The following IMMP2L variants were observed in gnomAD, a reference collection of about 807,000 sequenced individuals.
IMMP2L encodes inner mitochondrial membrane peptidase subunit 2.
A neutral mutation model predicts 19.3 loss-of-function variants in IMMP2L; 18 were observed. The observed-to-expected ratio is 0.93, with a 90% CI of 0.64 to 1.38. The LOEUF is 1.38. IMMP2L is among the 40% of genes most tolerant of loss of function. The pLI, the probability that IMMP2L is intolerant of heterozygous loss-of-function variation, is 0.00. For synonymous variants in IMMP2L, 76 were observed against 73.0 expected (o/e 1.04, Z -0.21); for missense variants, 233 against 218.2 (o/e 1.07, Z -0.43).
intron 3 of IMMP2L, among the ~76,000 whole-genome samples, chr7:111,161,275 A>G (rs1024140113): frequency 1.3e-5 from 2 of 151,936 alleles, no homozygotes; most frequent in Non-Finnish European, 2.9e-5. Flanking sequence ...AAAACAGAAA[A>G]TGACAATAGA....
intron 3 of IMMP2L, among the ~76,000 whole-genome samples, chr7:111,324,035 A>G (rs1825048168): frequency 6.6e-6 from 1 of 152,044 alleles, no homozygotes; most frequent in Non-Finnish European, 1.5e-5. Context: ...AGATACACCT[A>G]ATGTTAAATG....
intron 4 of IMMP2L, among the ~76,000 whole-genome samples, chr7:110,905,048 T>G (rs1048771774): frequency 6.6e-6 from 1 of 152,178 alleles, no homozygotes; most frequent in Non-Finnish European, 1.5e-5. Context: ...ACCTAAACTC[T>G]ACTTACCACC....
chr7:111,443,599 T>C (rs1365659766), intron 3 of IMMP2L, among the ~76,000 whole-genome samples: 1 of 152,160 alleles, frequency 6.6e-6, no homozygotes. Context: ...CAGTCCAGAC[T>C]GCACAGAACA....
intron 3 of IMMP2L, among the ~76,000 whole-genome samples, chr7:111,047,107 G>A (rs1026423377): frequency 2.6e-5 from 4 of 152,016 alleles, no homozygotes; most frequent in African/African-American, 4.8e-5. Flanking sequence ...GAAACACATC[G>A]TTACCTCTGC....
At chr7:110,879,461 T>G (rs115526823) in intron 5 of IMMP2L, among the ~76,000 whole-genome samples, 3,907 of 152,218 alleles carry the variant, frequency 0.026, 68 homozygotes, top group Middle Eastern at 0.075. Context: ...AACATCTGTA[T>G]GCTCCCACTC....
intron 5 of IMMP2L, among the ~76,000 whole-genome samples, chr7:110,866,124 C>T (rs1271752583): frequency 1.3e-5 from 2 of 151,968 alleles, no homozygotes; most frequent in East Asian, 3.9e-4. Context: ...GATCATAAAT[C>T]TTATCCTTGA....
At chr7:111,551,857 T>C (rs541799899) in intron 1 of IMMP2L, among the ~76,000 whole-genome samples, 5 of 152,222 alleles carry the variant, frequency 3.3e-5, no homozygotes, top group Non-Finnish European at 5.9e-5. Flanking sequence ...GGAGGAAATA[T>C]AGCCCCTACT....
intron 5 of IMMP2L, among the ~76,000 whole-genome samples, chr7:110,829,615 G>T (rs924232645): frequency 6.6e-6 from 1 of 152,042 alleles, no homozygotes; most frequent in Non-Finnish European, 1.5e-5. Context: ...AAAAAAGAGA[G>T]AAAAACCCCA....
At chr7:111,349,667 G>T (rs1476826480) in intron 3 of IMMP2L, among the ~76,000 whole-genome samples, 1 of 152,088 alleles carries the variant, frequency 6.6e-6, no homozygotes, top group Non-Finnish European at 1.5e-5. Context: ...AAGGGGAGTA[G>T]AATGAAGTCC....
At chr7:110,914,439 C>T (rs539829201) in intron 4 of IMMP2L, among the ~76,000 whole-genome samples, 3 of 152,258 alleles carry the variant, frequency 2.0e-5, no homozygotes, top group African/African-American at 7.2e-5. Context: ...AGGGCATGAA[C>T]AAAATTAATT....
chr7:111,349,136 C>T lies in IMMP2L; in HGVS notation c.239+138102G>A, dbSNP rs371527152. ...TTCAGAGCTCAAACTACATTACCTA[C>T]GAGGAGTCTCCCAGAGCTCTAATTA... On this transcript the variant is annotated intron_variant, in intron 3 of 5. Coordinates refer to ENST00000405709, the MANE Select transcript of IMMP2L (RefSeq NM_032549.4). Among the ~76,000 whole-genome samples the T allele has an allele frequency of 3.7e-4, 57 of 152,216 alleles. 1 individual carries two copies. The highest frequency in any genetic ancestry group is 7.7e-4 in the African/African-American group (32 of 41,554).
intron 5 of IMMP2L, among the ~76,000 whole-genome samples, chr7:110,883,418 T>C (rs1809894000): frequency 6.6e-6 from 1 of 152,274 alleles, no homozygotes; most frequent in African/African-American, 2.4e-5. Context: ...TTTTATCTAA[T>C]AAGGTATCAA....
intron 3 of IMMP2L, among the ~76,000 whole-genome samples, chr7:111,223,093 C>T (rs1011731365): frequency 4.0e-5 from 6 of 151,890 alleles, no homozygotes; most frequent in African/African-American, 1.5e-4. Context: ...ATTTTATACA[C>T]TATTAAAACA....
chr7:111,144,197 C>A lies in IMMP2L; in HGVS notation c.240-180632G>T, dbSNP rs74438924. On this transcript the variant is annotated intron_variant, in intron 3 of 5. Coordinates refer to ENST00000405709, the MANE Select transcript of IMMP2L (RefSeq NM_032549.4). ...TATTTGACATTAGTAACATAATGTG[C>A]CAGAGTTTCCCTGAATAACTGCAAG... Among the ~76,000 whole-genome samples the A allele has an allele frequency of 4.4e-3, 671 of 152,230 alleles. 5 individuals are homozygous for A. The highest frequency in any genetic ancestry group is 0.014 in the Middle Eastern group (4 of 294).
At chr7:111,200,507 A>G (rs1243541322) in intron 3 of IMMP2L, among the ~76,000 whole-genome samples, 1 of 152,184 alleles carries the variant, frequency 6.6e-6, no homozygotes, top group African/African-American at 2.4e-5. Flanking sequence ...TTTCCCAACT[A>G]AAGAACCTGG....
chr7:111,159,272 C>T (rs933177209), intron 3 of IMMP2L, among the ~76,000 whole-genome samples: 7 of 151,992 alleles, frequency 4.6e-5, no homozygotes, highest in Non-Finnish European at 7.4e-5. Flanking sequence ...TCTGCCACCA[C>T]GCCCAGCTAA....
intron 3 of IMMP2L, among the ~76,000 whole-genome samples, chr7:111,117,191 A>G (rs1335488585): frequency 6.6e-6 from 1 of 152,170 alleles, no homozygotes; most frequent in African/African-American, 2.4e-5. Context: ...ATCAATTAAA[A>G]AACACAAAGG....
At chr7:111,027,320 A>C (rs1380893342) in intron 3 of IMMP2L, among the ~76,000 whole-genome samples, 1 of 152,150 alleles carries the variant, frequency 6.6e-6, no homozygotes, top group East Asian at 1.9e-4. Flanking sequence ...TGTGTTGCTT[A>C]TGTATTGTAA....
At chr7:110,811,733 T>C (rs182464336) in intron 5 of IMMP2L, among the ~76,000 whole-genome samples, 25 of 152,188 alleles carry the variant, frequency 1.6e-4, no homozygotes, top group Non-Finnish European at 3.4e-4. Context: ...CATGGATATG[T>C]GCTGTATTTA....
Sources: allele counts gnomAD v4.1 joint callset (sites outside exome capture counted in the v4.1 genomes callset), GRCh38; gene constraint gnomAD v4.1.1; transcripts MANE v1.5; gene names NCBI Gene and HGNC (gene_info 2026-07-23, HGNC 2026-07-21).